USH2A: variants seen among roughly 807,000 people sequenced by gnomAD.
USH2A encodes Usher syndrome 2A (autosomal recessive, mild).
Under a neutral mutation model 538.9 loss-of-function variants are expected in USH2A, and 443 were observed. The observed-to-expected ratio is 0.82, with a 90% CI of 0.76 to 0.89. The LOEUF (loss-of-function observed/expected upper bound fraction) is 0.89. USH2A is among the 40% of genes least tolerant of loss of function. The probability of loss-of-function intolerance (pLI) is 0.00; values close to 1 mark genes in which losing one functional copy is unlikely to be tolerated. For missense variants in USH2A, 6,633 were observed against 6,324.8 expected (o/e 1.05, Z -1.65); for synonymous variants, 2,413 against 2,273.5 (o/e 1.06, Z -1.75).
In USH2A at chr1:216,389,330, T is replaced by G. The variant is rs374920962; in HGVS notation, c.652-24245A>C. 2.0e-5 allele frequency among the ~76,000 whole-genome samples: 3 copies of G among 152,310 alleles called. No individual in the cohort carries two copies. In the East Asian group the frequency reaches 5.8e-4, roughly 29 times the overall value. On this transcript the variant is annotated intron_variant, in intron 3 of 71. Transcript: ENST00000307340. ...TTTAAAACTCAGCTGTTATTTATAA[T>G]GTAGACAAATGACAGATCACTTTTT... is the stretch of plus-strand genomic sequence containing the variant.
intron 37 of USH2A, among the ~76,000 whole-genome samples, chr1:215,952,931 G>C (rs1168677827): frequency 6.6e-6 from 1 of 152,148 alleles, no homozygotes; most frequent in Non-Finnish European, 1.5e-5. Flanking sequence ...CAGACAAACA[G>C]AGAGCCAAAT....
chr1:215,662,635 A>G (rs1376579610), intron 64 of USH2A, among the ~76,000 whole-genome samples: 2 of 152,228 alleles, frequency 1.3e-5, no homozygotes, highest in East Asian at 1.9e-4. Flanking sequence ...TTTTCTATAC[A>G]TGGAAATGTC....
chr1:216,355,322 A>AGAAAGAAAGAAAGAAAGAAAGAAG (rs1429041012), intron 4 of USH2A, among the ~76,000 whole-genome samples: 6 of 79,326 alleles, frequency 7.6e-5, no homozygotes, highest in Non-Finnish European at 2.0e-4. Context: ...AAAGAAAGAA[A>AGAAAGAAAGAAAGAAAGAAAGAAG]GAAAGAAAGA....
intron 20 of USH2A, among the ~76,000 whole-genome samples, chr1:216,178,340 T>A (rs1024654071): frequency 3.3e-5 from 5 of 152,148 alleles, no homozygotes; most frequent in Non-Finnish European, 7.4e-5. Context: ...AGTTAAATGG[T>A]AGGTTCTCAA....
At chr1:215,837,152 C>G (rs376714311) in intron 47 of USH2A, among the ~76,000 whole-genome samples, 1 of 152,084 alleles carries the variant, frequency 6.6e-6, no homozygotes, top group African/African-American at 2.4e-5. Flanking sequence ...AAAACCAGTA[C>G]TAATTTTTTG....
intron 3 of USH2A, among the ~76,000 whole-genome samples, chr1:216,394,744 A>G (rs2039176099): frequency 4.2e-5 from 1 of 23,624 alleles, no homozygotes; most frequent in Non-Finnish European, 1.3e-4. Flanking sequence ...TTTGAGACAG[A>G]GTCTCGCTCT....
chr1:215,741,619 T>C (rs1660308056), intron 59 of USH2A, 82 bp from the exon 60 acceptor site: 5 of 1,489,780 alleles, frequency 3.4e-6, no homozygotes, highest in Non-Finnish European at 4.6e-6. Context: ...GGTAATGATA[T>C]CATGAAAATT....
chr1:215,644,153 G>A (rs1571926314), intron 67 of USH2A, among the ~76,000 whole-genome samples: 1 of 152,178 alleles, frequency 6.6e-6, no homozygotes, highest in South Asian at 2.1e-4. Flanking sequence ...AGGTGCACTC[G>A]CTTATTCATT....
chr1:215,770,030 T>C lies in USH2A; in HGVS notation c.10940-3242A>G, dbSNP rs529575742. Among the ~76,000 whole-genome samples, 23 of 152,354 alleles carry C rather than the reference T, an allele frequency of 1.5e-4. No individual in the cohort carries two copies. The South Asian group carries it at 4.8e-3, about 32-fold the overall frequency. ...ATACTTAGGCTCATTTCAAATGATG[T>C]TTGCTAATGTGTGTCAAGCAACTTC... is the stretch of plus-strand genomic sequence containing the variant. On this transcript the variant is annotated intron_variant, in intron 55 of 71. Coordinates refer to ENST00000307340, the MANE Select transcript of USH2A (RefSeq NM_206933.4).
intron 38 of USH2A, among the ~76,000 whole-genome samples, chr1:215,913,532 A>G (rs1437379781): frequency 6.6e-6 from 1 of 152,114 alleles, no homozygotes; most frequent in African/African-American, 2.4e-5. Context: ...CTGGTCTTGT[A>G]GGACAGATAA....
intron 40 of USH2A, among the ~76,000 whole-genome samples, chr1:215,893,116 C>A (rs1436245211): frequency 1.3e-5 from 2 of 152,032 alleles, no homozygotes; most frequent in Non-Finnish European, 2.9e-5. Context: ...TATATTTGGG[C>A]AAAACTTATC....
chr1:215,890,508 T>C (rs1665181052), intron 40 of USH2A, among the ~76,000 whole-genome samples: 1 of 152,224 alleles, frequency 6.6e-6, no homozygotes, highest in Non-Finnish European at 1.5e-5. Context: ...GCACTAACTC[T>C]GAAATCAAGC....
chr1:215,630,454 G>A (rs1380931039), intron 70 of USH2A, among the ~76,000 whole-genome samples: 5 of 125,592 alleles, frequency 4.0e-5, no homozygotes, highest in African/African-American at 1.3e-4. Flanking sequence ...ATATATATGT[G>A]AATATATATG....
chr1:216,324,449 AC>A, intron 6 of USH2A, 97 bp from the exon 7 acceptor site: 5 of 1,157,278 alleles, frequency 4.3e-6, no homozygotes, highest in Non-Finnish European at 6.2e-6. Flanking sequence ...ATATTGGCTC[AC>A]TTCATCATAA....
intron 58 of USH2A, among the ~76,000 whole-genome samples, chr1:215,751,378 C>A (rs1308225402): frequency 6.6e-6 from 1 of 151,994 alleles, no homozygotes; most frequent in Non-Finnish European, 1.5e-5. Flanking sequence ...GTACGTTAAA[C>A]CTAAATGACT....
intron 13 of USH2A, among the ~76,000 whole-genome samples, chr1:216,240,624 A>T (rs1042920924): frequency 2.6e-5 from 4 of 152,166 alleles, no homozygotes; most frequent in African/African-American, 9.7e-5. Context: ...TTTTCATATA[A>T]TAGTAAAATT....
intron 60 of USH2A, 130 bp downstream of exon 60, chr1:215,741,244 CA>C (rs1333382996): frequency 8.5e-7 from 1 of 1,178,346 alleles, no homozygotes; most frequent in Non-Finnish European, 1.2e-6. Context: ...ACATACAAAA[CA>C]AAACAAAAAA....
intron 11 of USH2A, among the ~76,000 whole-genome samples, chr1:216,284,700 G>A (rs927932661): frequency 6.6e-6 from 1 of 152,152 alleles, no homozygotes; most frequent in Non-Finnish European, 1.5e-5. Flanking sequence ...GGAAAATGTG[G>A]GAAAGTTTGA....
intron 67 of USH2A, among the ~76,000 whole-genome samples, chr1:215,641,073 A>G (rs1036763972): frequency 2.0e-5 from 3 of 152,116 alleles, no homozygotes; most frequent in African/African-American, 7.2e-5. Flanking sequence ...CCTGGAGCTC[A>G]TATTTTGTTG....
Sources: allele counts gnomAD v4.1 joint callset (sites outside exome capture counted in the v4.1 genomes callset), GRCh38; gene constraint gnomAD v4.1.1; transcripts MANE v1.5; gene names NCBI Gene and HGNC (gene_info 2026-07-23, HGNC 2026-07-21).